The following FER variants were observed in gnomAD, a reference collection of about 807,000 sequenced individuals.
The protein encoded by FER is tyrosine-protein kinase Fer.
FER carries 63 observed loss-of-function variants against 111.0 expected under a neutral mutation model. The observed-to-expected ratio is 0.57, with a 90% CI of 0.46 to 0.70. The LOEUF is 0.70. Ranked by LOEUF, FER falls within the 30% of genes least tolerant of loss-of-function variation. FER has a pLI of 0.00. For synonymous variants in FER, 327 were observed against 313.9 expected, an observed-to-expected ratio of 1.04 and a Z score of -0.44; for missense variants, 914 against 954.0, an observed-to-expected ratio of 0.96 and a Z score of 0.55.
At chr5:108,824,426 T>C (rs532732014) in intron 3 of FER, among the ~76,000 whole-genome samples, 5 of 152,164 alleles carry the variant, frequency 3.3e-5, no homozygotes, top group Non-Finnish European at 7.4e-5. Context: ...TTTCAATTCA[T>C]GAACGTAAAC....
At chr5:109,147,790 TATATATATATAG>T (rs1754387230) in intron 17 of FER, among the ~76,000 whole-genome samples, 3 of 133,040 alleles carry the variant, frequency 2.3e-5, no homozygotes, top group African/African-American at 5.8e-5. Context: ...CATATATATA[TATATATATATAG>T]AGAGAGAGAG....
chr5:108,926,002 A>T (rs996706376), intron 10 of FER, among the ~76,000 whole-genome samples: 1 of 151,962 alleles, frequency 6.6e-6, no homozygotes, highest in African/African-American at 2.4e-5. Flanking sequence ...ACTTTAAAAA[A>T]GTCTCGCTTT....
At chr5:108,899,269 T>G in intron 10 of FER, among the ~76,000 whole-genome samples, 1 of 152,156 alleles carries the variant, frequency 6.6e-6, no homozygotes, top group East Asian at 1.9e-4. Context: ...TTATGAATCC[T>G]TGCACTCTTT....
chr5:108,849,011 G>T (rs1762294634), intron 5 of FER, among the ~76,000 whole-genome samples: 1 of 149,846 alleles, frequency 6.7e-6, no homozygotes, highest in Admixed American at 6.6e-5. Flanking sequence ...GGAGAAATCT[G>T]CTCTAATCCT....
chr5:109,002,250 G>A (rs1191605784), intron 13 of FER, among the ~76,000 whole-genome samples: 2 of 152,014 alleles, frequency 1.3e-5, no homozygotes, highest in Non-Finnish European at 2.9e-5. Context: ...AACCAAAACA[G>A]CATGGGACTG....
rs1289315618 is a variant in FER, at chr5:108,765,585, A to T, written c.-205-2508A>T. On this transcript the variant is annotated intron_variant, in intron 1 of 19. Transcript: ENST00000281092. ...CAGTGGGCTAGCTTTCCTGAGCAAG[A>T]TACTTGACACTGCTCAATATTGGGC... Among the ~76,000 whole-genome samples the T allele has an allele frequency of 2.0e-5, 3 of 152,120 alleles. No homozygotes were observed. In the East Asian group the frequency reaches 5.8e-4, roughly 29 times the overall value.
intron 13 of FER, among the ~76,000 whole-genome samples, chr5:108,965,496 G>A (rs1759688177): frequency 6.6e-6 from 1 of 152,122 alleles, no homozygotes; most frequent in Non-Finnish European, 1.5e-5. Context: ...CTTGAGTACT[G>A]TTGAGAATAC....
intron 5 of FER, among the ~76,000 whole-genome samples, chr5:108,865,695 G>T (rs1763975049): frequency 6.6e-6 from 1 of 152,046 alleles, no homozygotes; most frequent in South Asian, 2.1e-4. Context: ...ATCTGACAAA[G>T]GGCTAATATC....
At chr5:108,766,253 A>C (rs529991343) in intron 1 of FER, among the ~76,000 whole-genome samples, 2 of 152,326 alleles carry the variant, frequency 1.3e-5, no homozygotes, top group African/African-American at 4.8e-5. Flanking sequence ...TTTATATTTA[A>C]AAATAATTTT....
intron 17 of FER, among the ~76,000 whole-genome samples, chr5:109,171,692 G>A (rs370447826): frequency 8.5e-5 from 13 of 152,210 alleles, no homozygotes; most frequent in East Asian, 5.8e-4. Context: ...ATGGGAGCGG[G>A]TGTATGTTTT....
intron 10 of FER, among the ~76,000 whole-genome samples, chr5:108,914,518 T>C (rs1001548223): frequency 1.3e-5 from 2 of 152,214 alleles, no homozygotes; most frequent in African/African-American, 2.4e-5. Flanking sequence ...ATAATGACTT[T>C]TGGGCAAAGG....
rs541907524 is a variant in FER, at chr5:109,083,593, CT to C, written c.1925-16798del. On this transcript the variant is annotated intron_variant, in intron 16 of 19. Transcript: ENST00000281092. ...TTGAAGTATAAAAATATCTAGTAAA[CT>C]TTTTGTTGGAAAATGTGAAGAGATA... Among the ~76,000 whole-genome samples, 21 of 152,104 alleles carry C rather than the reference CT, an allele frequency of 1.4e-4. No individual in the cohort carries two copies. In the East Asian group the frequency reaches 4.1e-3, roughly 29 times the overall value.
intron 1 of FER, among the ~76,000 whole-genome samples, chr5:108,761,410 G>C (rs1426440801): frequency 2.6e-5 from 4 of 152,166 alleles, no homozygotes; most frequent in Non-Finnish European, 5.9e-5. Context: ...AGAGGGAGTA[G>C]AGAATGGCTG....
chr5:109,109,436 C>T (rs1266838885), intron 17 of FER, among the ~76,000 whole-genome samples: 1 of 152,040 alleles, frequency 6.6e-6, no homozygotes, highest in African/African-American at 2.4e-5. Context: ...TTTATTTTGT[C>T]CATTACTTAG....
chr5:109,167,185 T>C (rs1042375091), intron 17 of FER, among the ~76,000 whole-genome samples: 2 of 152,140 alleles, frequency 1.3e-5, no homozygotes, highest in African/African-American at 2.4e-5. Context: ...TCTCAATAAA[T>C]GAATGGTGTG....
chr5:109,070,133 A>ATT (rs3839303), intron 16 of FER, among the ~76,000 whole-genome samples: 4 of 149,010 alleles, frequency 2.7e-5, no homozygotes, highest in African/African-American at 7.4e-5. Flanking sequence ...ATAAAGGTTG[A>ATT]TTTTTTTTTT....
intron 5 of FER, among the ~76,000 whole-genome samples, chr5:108,856,921 A>T (rs1343592638): frequency 6.6e-6 from 1 of 152,156 alleles, no homozygotes; most frequent in Non-Finnish European, 1.5e-5. Flanking sequence ...TCTTATCTGT[A>T]GGCTAAATAA....
intron 17 of FER, among the ~76,000 whole-genome samples, chr5:109,101,011 C>T (rs1177469494): frequency 6.6e-6 from 1 of 151,816 alleles, no homozygotes; most frequent in East Asian, 1.9e-4. Context: ...CATTTTAGTA[C>T]CTCACTAATT....
At position 108,992,754 on chromosome 5, in the gene FER, C is replaced by G. The variant is rs536964955; in HGVS notation, c.1656+33407C>G. 2.3e-3 allele frequency among the ~76,000 whole-genome samples: 352 copies of G among 150,268 alleles called. 1 individual carries two copies. Among genetic ancestry groups the G allele is most frequent in the Non-Finnish European group, 3.6e-3 (241 of 67,238 alleles). ...CTCACTTCCCAGACGGGGTGGCTGC[C>G]GGGCGGAGGGGCTCCTCACTTCTCA... is the stretch of plus-strand genomic sequence containing the variant. On this transcript the variant is annotated intron_variant, in intron 13 of 19. Coordinates refer to ENST00000281092, the MANE Select transcript of FER (RefSeq NM_005246.4).
Sources: allele counts gnomAD v4.1 joint callset (sites outside exome capture counted in the v4.1 genomes callset), GRCh38; gene constraint gnomAD v4.1.1; transcripts MANE v1.5; gene names NCBI Gene and HGNC (gene_info 2026-07-23, HGNC 2026-07-21).